The following SIAE variants were observed in gnomAD, a reference collection of about 807,000 sequenced individuals.
SIAE encodes the protein sialate O-acetylesterase.
Under a neutral mutation model 52.6 loss-of-function variants are expected in SIAE, and 39 were observed. The observed-to-expected ratio is 0.74, with a 90% CI of 0.57 to 0.97. SIAE has a LOEUF of 0.97. Among genes scored for constraint, SIAE ranks in the 50% least tolerant of loss-of-function variants. SIAE has a pLI of 0.00. For synonymous variants in SIAE, 233 were observed against 241.4 expected (o/e 0.97, Z 0.32); for missense variants, 592 against 662.1 (o/e 0.89, Z 1.16).
intron 7 of SIAE, among the ~76,000 whole-genome samples, chr11:124,640,685 T>G (rs1942830395): frequency 6.6e-6 from 1 of 152,218 alleles, no homozygotes; most frequent in South Asian, 2.1e-4. Context: ...GCCATGTGGA[T>G]TTGCAGTTCC....
intron 4 of SIAE, among the ~76,000 whole-genome samples, chr11:124,652,132 A>T (rs1943026561): frequency 1.3e-5 from 2 of 152,214 alleles, no homozygotes; most frequent in Non-Finnish European, 2.9e-5. Flanking sequence ...CTTGGAGTAA[A>T]GAAAATGGAA....
intron 4 of SIAE, 24 bp downstream of exon 4, chr11:124,654,629 GAC>G: frequency 1.2e-6 from 2 of 1,614,006 alleles, no homozygotes; most frequent in Non-Finnish European, 1.7e-6. Context: ...TTATATAAGA[GAC>G]AGCACGTTCA....
chr11:124,672,394 G>T (rs550561917), intron 1 of SIAE, among the ~76,000 whole-genome samples: 1 of 152,240 alleles, frequency 6.6e-6, no homozygotes, highest in Non-Finnish European at 1.5e-5. Context: ...CTGCTCTCAT[G>T]GGTGTTCATT....
intron 3 of SIAE, chr11:124,660,249 C>T (rs1361823177): frequency 3.2e-6 from 1 of 317,434 alleles, no homozygotes; most frequent in Admixed American, 4.4e-5. Flanking sequence ...GAGATTGCAC[C>T]ATTGCACCCC....
At chr11:124,668,264 C>A (rs1256969881) in intron 2 of SIAE, among the ~76,000 whole-genome samples, 1 of 152,174 alleles carries the variant, frequency 6.6e-6, no homozygotes, top group African/African-American at 2.4e-5. Context: ...GCTCACCTCT[C>A]AAGATGAGCC....
chr11:124,661,721 A>G (rs542970473), intron 2 of SIAE, among the ~76,000 whole-genome samples: 13 of 152,386 alleles, frequency 8.5e-5, no homozygotes, highest in African/African-American at 3.1e-4. Context: ...AAAATGGGAA[A>G]TTAACATTTT....
intron 7 of SIAE, among the ~76,000 whole-genome samples, chr11:124,642,532 G>A (rs1445322447): frequency 6.6e-6 from 1 of 152,208 alleles, no homozygotes; most frequent in East Asian, 1.9e-4. Context: ...AGGAGAGAGT[G>A]TCAGAGTTGA....
intron 3 of SIAE, chr11:124,658,745 T>A (rs1432930289): frequency 1.3e-5 from 2 of 152,058 alleles, no homozygotes; most frequent in South Asian, 4.2e-4. Flanking sequence ...AACTCTTACC[T>A]CCTCAGAGAA....
intron 7 of SIAE, among the ~76,000 whole-genome samples, chr11:124,640,562 T>C (rs1942828370): frequency 6.6e-6 from 1 of 152,188 alleles, no homozygotes; most frequent in Non-Finnish European, 1.5e-5. Flanking sequence ...TACATCTGTA[T>C]ACAACACAGG....
At chr11:124,641,662 C>CA (rs1348432389) in intron 7 of SIAE, among the ~76,000 whole-genome samples, 2 of 152,046 alleles carry the variant, frequency 1.3e-5, no homozygotes, top group East Asian at 1.9e-4. Context: ...ATGGCTCTGG[C>CA]AAAAAACAAA....
At chr11:124,669,238 G>A in intron 2 of SIAE, 122 bp downstream of exon 2, 1 of 1,273,316 alleles carries the variant, frequency 7.9e-7, no homozygotes, top group South Asian at 1.2e-5. Flanking sequence ...TTTTATGGAT[G>A]AATGGACAGA....
At position 124,667,751 on chromosome 11, in the gene SIAE, T is replaced by A. The variant is rs572016069; in HGVS notation, c.229+1609A>T. Among the ~76,000 whole-genome samples, 7 of 152,296 alleles carry A rather than the reference T, an allele frequency of 4.6e-5. No individual in the cohort carries two copies. In the South Asian group the frequency reaches 1.5e-3, roughly 32 times the overall value. On this transcript the variant is annotated intron_variant, in intron 2 of 9. Coordinates refer to ENST00000263593, the MANE Select transcript of SIAE (RefSeq NM_170601.5). ...TATCTGTAACATCCAGCCCTGAGCA[T>A]GCCTTCCTTCATCCCATAACTTCTA...
chr11:124,646,111 A>G (rs1409315884), intron 7 of SIAE, among the ~76,000 whole-genome samples: 2 of 152,200 alleles, frequency 1.3e-5, no homozygotes, highest in African/African-American at 2.4e-5. Context: ...CAGCACTACC[A>G]CCGTGCTAAA....
chr11:124,667,614 A>G (rs910516675), intron 2 of SIAE, among the ~76,000 whole-genome samples: 2 of 152,124 alleles, frequency 1.3e-5, no homozygotes, highest in Admixed American at 6.5e-5. Context: ...CCTGTCACAT[A>G]TATATGCTAG....
chr11:124,673,670 T>G lies in SIAE; in HGVS notation c.39A>C (p.Pro13=). 6.2e-7 allele frequency: 1 copy of G among 1,613,672 alleles called. No homozygotes were observed. The highest frequency in any genetic ancestry group is 1.1e-5 in the South Asian group (1 of 91,064). The change falls in exon 1 of 10, where the codon CCA becomes CCC. Residue 13 remains proline (P), a synonymous_variant. Coordinates refer to ENST00000263593, the MANE Select transcript of SIAE (RefSeq NM_170601.5). ...CACTTCTGTCGGCCCACAGGATTAATGGCAGCACCAGCCCGAGTACAAGCC... is the reference window on the plus strand; with the variant it reads ...CACTTCTGTCGGCCCACAGGATTAAGGGCAGCACCAGCCCGAGTACAAGCC... ...APGLVLGLVL[P]LILWADRSAG... is the part of the protein sequence containing the mutation.
At chr11:124,655,926 T>C (rs960593496) in intron 3 of SIAE, among the ~76,000 whole-genome samples, 3 of 152,212 alleles carry the variant, frequency 2.0e-5, no homozygotes, top group Admixed American at 6.5e-5. Flanking sequence ...TCCAAAATTT[T>C]TGGTGTGCCA....
chr11:124,638,076 CATT>C (rs1197561343), intron 9 of SIAE, among the ~76,000 whole-genome samples: 1 of 152,182 alleles, frequency 6.6e-6, no homozygotes, highest in African/African-American at 2.4e-5. Flanking sequence ...AAAGGACTCT[CATT>C]ATATTGTCAC....
chr11:124,660,944 G>A (rs1162439831), intron 2 of SIAE, 141 bp from the exon 3 acceptor site: 2 of 892,728 alleles, frequency 2.2e-6, no homozygotes, highest in African/African-American at 1.6e-5. Context: ...TTTCAGATAA[G>A]AGGATAGAAC....
intron 7 of SIAE, among the ~76,000 whole-genome samples, chr11:124,646,910 G>C (rs1942943666): frequency 6.6e-6 from 1 of 152,158 alleles, no homozygotes; most frequent in African/African-American, 2.4e-5. Flanking sequence ...CTGCATTGAA[G>C]ATTAATATTT....
Sources: gnomAD v4.1 joint callset for allele counts (sites outside exome capture counted in the v4.1 genomes callset) on GRCh38, gnomAD v4.1.1 for gene constraint, MANE v1.5 for transcripts, NCBI Gene and HGNC (gene_info 2026-07-23, HGNC 2026-07-21) for gene names.